The following RBBP8 variants were observed in gnomAD, a reference collection of about 807,000 sequenced individuals.
RBBP8 encodes RB binding protein 8, endonuclease.
A neutral mutation model predicts 108.3 loss-of-function variants in RBBP8; 88 were observed. The observed-to-expected ratio is 0.81, with a 90% CI of 0.68 to 0.97. The LOEUF (loss-of-function observed/expected upper bound fraction) is 0.97. Ranked by LOEUF, RBBP8 falls within the 50% of genes least tolerant of loss-of-function variation. The pLI, the probability that RBBP8 is intolerant of heterozygous loss-of-function variation, is 0.00. For synonymous variants in RBBP8, 332 were observed against 348.2 expected, an observed-to-expected ratio of 0.95 and a Z score of 0.52; for missense variants, 1,023 against 1,049.0, an observed-to-expected ratio of 0.98 and a Z score of 0.34.
rs1163931358 is a variant in RBBP8 at position 22,968,788 on chromosome 18, C to T, written c.249-18C>T. 1 of 1,590,116 alleles carries T rather than the reference C, an allele frequency of 6.3e-7. No homozygotes were observed. The highest frequency in any genetic ancestry group is 1.7e-5 in the Admixed American group (1 of 59,950). ...AATCTCTTTTAGTGGATGAAAAATA[C>T]CTTGTTTTGTTTCATAGGTTAAGAG... On this transcript the variant is annotated intron_variant, in intron 4 of 18. Transcript: ENST00000327155.
At chr18:22,949,101 T>C (rs1030990673) in intron 3 of RBBP8, among the ~76,000 whole-genome samples, 3 of 152,164 alleles carry the variant, frequency 2.0e-5, no homozygotes, top group African/African-American at 7.2e-5. Flanking sequence ...GTATCTACAC[T>C]TGGTGAGGCA....
At chr18:23,017,732 A>G (rs1241062907) in intron 17 of RBBP8, among the ~76,000 whole-genome samples, 1 of 149,308 alleles carries the variant, frequency 6.7e-6, no homozygotes, top group Admixed American at 6.7e-5. Context: ...ATTGGTACCA[A>G]TATAAGTTCT....
At chr18:22,926,884 C>T (rs75677733) in intron 3 of RBBP8, among the ~76,000 whole-genome samples, 2,211 of 152,252 alleles carry the variant, frequency 0.015, 28 homozygotes, top group South Asian at 0.057. Context: ...CATCTTCCAC[C>T]AATGTTAAAT....
chr18:23,018,276 C>T (rs1378984542), intron 17 of RBBP8, among the ~76,000 whole-genome samples: 1 of 152,180 alleles, frequency 6.6e-6, no homozygotes, highest in African/African-American at 2.4e-5. Flanking sequence ...AGGCTGGCCT[C>T]GAACTCCCGA....
At chr18:22,967,876 T>C (rs57719364) in intron 4 of RBBP8, among the ~76,000 whole-genome samples, 4,509 of 152,170 alleles carry the variant, frequency 0.03, 101 homozygotes, top group East Asian at 0.083. Context: ...CTCGATCTCC[T>C]GACCTTGTGT....
intron 2 of RBBP8, among the ~76,000 whole-genome samples, chr18:22,943,921 C>T (rs902879271): frequency 1.3e-5 from 2 of 152,122 alleles, no homozygotes; most frequent in Non-Finnish European, 2.9e-5. Context: ...TGTTTCATTT[C>T]CTCCAAAATT....
rs113284735 is a variant in RBBP8 at position 22,968,520 on chromosome 18, T to C, written c.249-286T>C. On this transcript the variant is annotated intron_variant, in intron 4 of 18. Transcript: ENST00000327155. ...CCTTGGTATTAGACTAGGGTTCATA[T>C]TTTGACCATAACAAATTAAAACAAG... Among the ~76,000 whole-genome samples, 2,534 of 152,344 alleles carry C rather than the reference T, an allele frequency of 0.017. 80 individuals carry two copies. Among genetic ancestry groups the C allele is most frequent in the African/African-American group, 0.058 (2,399 of 41,586 alleles).
chr18:22,967,522 A>G (rs150480727), intron 4 of RBBP8, among the ~76,000 whole-genome samples: 73 of 152,354 alleles, frequency 4.8e-4, no homozygotes, highest in African/African-American at 1.8e-3. Flanking sequence ...AAAATCTCCC[A>G]TAATACTGTC....
At chr18:22,999,352 G>T (rs1238750139) in intron 14 of RBBP8, among the ~76,000 whole-genome samples, 1 of 152,130 alleles carries the variant, frequency 6.6e-6, no homozygotes, top group African/African-American at 2.4e-5. Flanking sequence ...AACAGCAGAG[G>T]GCTGGGCAGC....
At chr18:22,919,540 C>A (rs1345431685) in intron 3 of RBBP8, among the ~76,000 whole-genome samples, 2 of 152,154 alleles carry the variant, frequency 1.3e-5, no homozygotes, top group Non-Finnish European at 2.9e-5. Context: ...ATTTAGCCCA[C>A]TAATTAATCA....
At chr18:22,987,881 C>T (rs185887536) in intron 8 of RBBP8, among the ~76,000 whole-genome samples, 1 of 152,338 alleles carries the variant, frequency 6.6e-6, no homozygotes, top group East Asian at 1.9e-4. Flanking sequence ...AATGTATCTA[C>T]CTGCTGTTGG....
intron 1 of RBBP8, among the ~76,000 whole-genome samples, chr18:22,935,956 T>A (rs923415329): frequency 6.6e-6 from 1 of 152,188 alleles, no homozygotes. Flanking sequence ...GTTATACAGA[T>A]CCTCATCTGT....
chr18:22,957,695 C>T (rs551393344), intron 4 of RBBP8, among the ~76,000 whole-genome samples: 7 of 152,134 alleles, frequency 4.6e-5, no homozygotes, highest in African/African-American at 1.2e-4. Context: ...AAGAGGAAAG[C>T]AATGGAACCA....
rs139794605 is a variant in RBBP8 at position 22,923,493 on chromosome 18, G to A, written c.-153-5890G>A. Among the ~76,000 whole-genome samples, 378 of 152,272 alleles carry A rather than the reference G, an allele frequency of 2.5e-3. 2 individuals carry two copies. The highest frequency in any genetic ancestry group is 8.6e-3 in the African/African-American group (357 of 41,548). ...CAAATGTCTCTTAATTCTTCTTTAA[G>A]AAATTTCAAATATATTATTTCATTC... On this transcript the variant is annotated intron_variant, in intron 3 of 4. Coordinates refer to the RBBP8 transcript ENST00000577588.
chr18:22,989,896 T>G (rs1598712719), intron 9 of RBBP8, among the ~76,000 whole-genome samples: 1 of 152,266 alleles, frequency 6.6e-6, no homozygotes, highest in East Asian at 1.9e-4. Flanking sequence ...CTCAAACACT[T>G]GGCCTCAAGA....
intron 16 of RBBP8, among the ~76,000 whole-genome samples, chr18:23,010,112 G>T (rs181387539): frequency 6.6e-6 from 1 of 152,098 alleles, no homozygotes. Flanking sequence ...TGTATATAGC[G>T]ATATTCCTCA....
intron 5 of RBBP8, among the ~76,000 whole-genome samples, chr18:22,971,427 C>T (rs1914071376): frequency 6.6e-6 from 1 of 152,052 alleles, no homozygotes; most frequent in South Asian, 2.1e-4. Context: ...GAATACTGCC[C>T]AGAATAGCAG....
intron 1 of RBBP8, among the ~76,000 whole-genome samples, chr18:22,936,172 G>T (rs111238505): frequency 3.3e-5 from 5 of 151,916 alleles, no homozygotes; most frequent in Non-Finnish European, 7.4e-5. Flanking sequence ...CACGATCTCC[G>T]CTCACTGCAA....
At chr18:22,984,772 A>G (rs939402105) in intron 7 of RBBP8, 114 bp from the exon 8 acceptor site, 38 of 609,386 alleles carry the variant, frequency 6.2e-5, no homozygotes, top group Non-Finnish European at 9.3e-5. Flanking sequence ...CTTATATTGG[A>G]TTTAAATACA....
Sources: allele counts gnomAD v4.1 joint callset (sites outside exome capture counted in the v4.1 genomes callset), GRCh38; gene constraint gnomAD v4.1.1; transcripts MANE v1.5; gene names NCBI Gene and HGNC (gene_info 2026-07-23, HGNC 2026-07-21).